The following CD82 variants were observed in gnomAD, a reference collection of about 807,000 sequenced individuals.
CD82 encodes CD82 antigen.
In CD82, 36 loss-of-function variants were observed where a neutral mutation model predicts 37.4. The ratio of observed to expected loss-of-function variants is 0.96; its 90% confidence interval spans 0.74 to 1.27. CD82 has a LOEUF of 1.27. Ranked by LOEUF, CD82 falls within the 50% of genes most tolerant of loss-of-function variation. The probability of loss-of-function intolerance (pLI) is 0.00; values close to 1 mark genes in which losing one functional copy is unlikely to be tolerated. For missense variants in CD82, 340 were observed against 347.0 expected, an observed-to-expected ratio of 0.98 and a Z score of 0.16; for synonymous variants, 158 against 137.4, an observed-to-expected ratio of 1.15 and a Z score of -1.05.
intron 1 of CD82, among the ~76,000 whole-genome samples, chr11:44,577,725 T>C (rs937580834): frequency 1.3e-4 from 20 of 152,182 alleles, no homozygotes; most frequent in African/African-American, 4.6e-4. Context: ...GTGCAAAACA[T>C]CTAGCACTGG....
At chr11:44,596,766 C>A (rs1204564321) in intron 3 of CD82, 2 of 386,666 alleles carry the variant, frequency 5.2e-6, no homozygotes, top group Non-Finnish European at 1.0e-5. Context: ...TACTCCTCAG[C>A]AAATGTGTAT....
chr11:44,600,676 C>T (rs12420125), intron 4 of CD82, among the ~76,000 whole-genome samples: 4 of 152,084 alleles, frequency 2.6e-5, no homozygotes, highest in African/African-American at 4.8e-5. Flanking sequence ...GCAGCACCTA[C>T]GTGGGTCAGG....
At chr11:44,585,539 G>A (rs1301179781) in intron 1 of CD82, among the ~76,000 whole-genome samples, 3 of 152,206 alleles carry the variant, frequency 2.0e-5, no homozygotes. Context: ...CTAGCCTGAT[G>A]GCGATTCATC....
intron 1 of CD82, among the ~76,000 whole-genome samples, chr11:44,580,171 A>T (rs930780968): frequency 6.6e-6 from 1 of 152,124 alleles, no homozygotes; most frequent in African/African-American, 2.4e-5. Flanking sequence ...CCCACCCCCA[A>T]GTTCTTGTAG....
chr11:44,570,624 G>C (rs12286369), intron 1 of CD82, among the ~76,000 whole-genome samples: 85,499 of 152,068 alleles, frequency 0.56, 24,826 homozygotes, highest in African/African-American at 0.64. Flanking sequence ...CCTGTGGGCC[G>C]CACTTCTGCA....
At chr11:44,600,806 GT>G (rs1853297514) in intron 4 of CD82, among the ~76,000 whole-genome samples, 1 of 152,208 alleles carries the variant, frequency 6.6e-6, no homozygotes, top group Admixed American at 6.5e-5. Context: ...GGTAGATACT[GT>G]TCTATTCCCA....
intron 1 of CD82, among the ~76,000 whole-genome samples, chr11:44,586,232 G>A (rs143816360): frequency 2.9e-4 from 44 of 152,176 alleles, no homozygotes; most frequent in African/African-American, 1.0e-3. Flanking sequence ...GAACTCCTAG[G>A]GTAATTCCTG....
chr11:44,591,905 C>A (rs2134650561), intron 2 of CD82, among the ~76,000 whole-genome samples: 1 of 152,204 alleles, frequency 6.6e-6, no homozygotes, highest in South Asian at 2.1e-4. Context: ...CTGCAACCTC[C>A]ACCTCCTGGG....
In CD82 at chr11:44,605,352, C is replaced by T; in HGVS notation, c.262-3C>T. 6.2e-7 allele frequency: 1 copy of T among 1,614,216 alleles called. No homozygotes were observed. The highest frequency in any genetic ancestry group is 8.5e-7 in the Non-Finnish European group (1 of 1,180,016). ...TGACTTTGTGCCTGCTCTGTGTCCC[C>T]AGTACTTTGCTTTCCTGCTCCTGAT... On this transcript the variant is annotated splice_polypyrimidine_tract_variant and splice_region_variant and intron_variant, in intron 5 of 9. Transcript: ENST00000227155.
chr11:44,615,075 G>A (rs977770815), intron 6 of CD82, among the ~76,000 whole-genome samples, 197 bp from the exon 7 acceptor site: 1 of 152,314 alleles, frequency 6.6e-6, no homozygotes, highest in South Asian at 2.1e-4. Flanking sequence ...GCTGCCAAGC[G>A]CAGAAGAGAT....
chr11:44,568,107 G>A (rs1852762698), intron 1 of CD82, among the ~76,000 whole-genome samples: 1 of 152,232 alleles, frequency 6.6e-6, no homozygotes, highest in Admixed American at 6.5e-5. Flanking sequence ...AGGTTTCTGA[G>A]GAGAGGAGTG....
chr11:44,583,944 C>T (rs542241219), intron 1 of CD82, among the ~76,000 whole-genome samples: 1 of 152,286 alleles, frequency 6.6e-6, no homozygotes, highest in South Asian at 2.1e-4. Context: ...TCATGGGATC[C>T]TGTGACAGGG....
At chr11:44,615,914 G>A (rs567538799) in intron 7 of CD82, among the ~76,000 whole-genome samples, 35 of 152,328 alleles carry the variant, frequency 2.3e-4, no homozygotes, top group South Asian at 1.5e-3. Context: ...AGAGATGGAT[G>A]GATGGATGGG....
chr11:44,585,561 G>A (rs576468081), intron 1 of CD82, among the ~76,000 whole-genome samples: 2 of 152,196 alleles, frequency 1.3e-5, no homozygotes, highest in African/African-American at 2.4e-5. Flanking sequence ...TCATGCCTGC[G>A]GTAGGTGGGC....
At position 44,619,147 on chromosome 11, in the gene CD82, C is replaced by T. The variant is rs370925717; in HGVS notation, c.*21C>T. 4 of 1,597,080 alleles carry T rather than the reference C, an allele frequency of 2.5e-6. No homozygotes were observed. The highest frequency in any genetic ancestry group is 3.4e-6 in the Non-Finnish European group (4 of 1,164,752). On this transcript the variant is annotated 3_prime_UTR_variant, in exon 10 of 10. Coordinates refer to ENST00000227155, the MANE Select transcript of CD82 (RefSeq NM_002231.4). The stretch of plus-strand genomic sequence containing the variant: ...ACTGAGGCAGCTGCTATCCCCATCT[C>T]CCTGCCTGGCCCCCAACCTCAGGGC...
chr11:44,570,463 G>A (rs192187182), intron 1 of CD82, among the ~76,000 whole-genome samples: 114 of 152,354 alleles, frequency 7.5e-4, no homozygotes, highest in African/African-American at 2.6e-3. Flanking sequence ...GCAGGCACTT[G>A]GGGATCGATG....
intron 7 of CD82, among the ~76,000 whole-genome samples, chr11:44,617,874 G>T (rs1189328569): frequency 6.6e-6 from 1 of 152,178 alleles, no homozygotes; most frequent in Non-Finnish European, 1.5e-5. Context: ...TAACCCAGTA[G>T]CCTGACTTTA....
chr11:44,616,307 TG>T (rs1195537546), intron 7 of CD82, among the ~76,000 whole-genome samples: 1 of 151,914 alleles, frequency 6.6e-6, no homozygotes. Context: ...AGATCAGGTG[TG>T]GGGGTTGTGG....
intron 1 of CD82, among the ~76,000 whole-genome samples, chr11:44,582,059 G>T (rs744223): frequency 0.061 from 9,302 of 152,264 alleles, 940 homozygotes; most frequent in African/African-American, 0.21. Context: ...GGAAGTAATG[G>T]CACAAAGTCA....
Sources: gnomAD v4.1 joint callset for allele counts (sites outside exome capture counted in the v4.1 genomes callset) on GRCh38, gnomAD v4.1.1 for gene constraint, MANE v1.5 for transcripts, NCBI Gene and HGNC (gene_info 2026-07-23, HGNC 2026-07-21) for gene names.